Variants in ITGB6 observed in about 807,000 individuals in gnomAD.
The protein encoded by ITGB6 is integrin subunit beta 6.
ITGB6 carries 80 observed loss-of-function variants against 84.5 expected under a neutral mutation model. The ratio of observed to expected loss-of-function variants is 0.95; its 90% CI spans 0.79 to 1.14. The LOEUF (loss-of-function observed/expected upper bound fraction) is 1.14, where lower values mean the gene tolerates loss of function less well. Ranked by LOEUF, ITGB6 falls within the 50% of genes most tolerant of loss-of-function variation. The pLI, the probability that ITGB6 is intolerant of heterozygous loss-of-function variation, is 0.00. For synonymous variants in ITGB6, 383 were observed against 354.9 expected (o/e 1.08, Z -0.89); for missense variants, 1,006 against 968.0 (o/e 1.04, Z -0.52).
At chr2:160,139,070 C>T (rs1401986248) in intron 8 of ITGB6, among the ~76,000 whole-genome samples, 1 of 152,052 alleles carries the variant, frequency 6.6e-6, no homozygotes, top group African/African-American at 2.4e-5. Flanking sequence ...AGAGTTAGGT[C>T]TGGGGAATAC....
rs778543642 is a variant in ITGB6 at position 160,169,317 on chromosome 2, A to G, written c.922-10T>C. 4.2e-6 allele frequency: 6 copies of G among 1,414,684 alleles called. No homozygotes were observed. In the East Asian group the frequency reaches 9.1e-5, roughly 22 times the overall value. The allele number at this position is 1,414,684 out of a possible 1,614,324, so 87.6% of individuals were successfully genotyped here. On this transcript the variant is annotated splice_polypyrimidine_tract_variant and intron_variant, in intron 6 of 14. Transcript: ENST00000283249. ...CAATTGTTGGATATTCCTAAAATTA[A>G]CATATATAATTTTGCATCATCTCAA...
intron 13 of ITGB6, among the ~76,000 whole-genome samples, chr2:160,109,658 T>C (rs927709875): frequency 1.3e-5 from 2 of 152,256 alleles, no homozygotes; most frequent in African/African-American, 4.8e-5. Context: ...TGGATGTTTC[T>C]TGAGATGCTC....
intron 5 of ITGB6, among the ~76,000 whole-genome samples, chr2:160,173,440 G>C (rs1274304971): frequency 6.6e-6 from 1 of 152,024 alleles, no homozygotes; most frequent in Non-Finnish European, 1.5e-5. Context: ...TTTATTTCCT[G>C]ATATTTTTCA....
chr2:160,177,555 A>C (rs1293521178), intron 4 of ITGB6, among the ~76,000 whole-genome samples: 1 of 151,634 alleles, frequency 6.6e-6, no homozygotes, highest in Non-Finnish European at 1.5e-5. Context: ...TGGGCGATAG[A>C]GCAAGATTCT....
chr2:160,118,123 CAATCAATAGAAAAAGGGGG>C (rs1261044390), intron 12 of ITGB6, among the ~76,000 whole-genome samples: 2 of 152,254 alleles, frequency 1.3e-5, no homozygotes, highest in East Asian at 3.9e-4. Context: ...GAAACTATTC[CAATCAATAGAAAAAGGGGG>C]AATCCTCCCT....
chr2:160,123,233 T>C (rs1369756239), intron 12 of ITGB6, among the ~76,000 whole-genome samples: 9 of 152,182 alleles, frequency 5.9e-5, no homozygotes, highest in African/African-American at 2.2e-4. Context: ...AGGTCTTTCT[T>C]GTATTTTGGG....
intron 4 of ITGB6, among the ~76,000 whole-genome samples, chr2:160,194,462 C>A (rs1321070690): frequency 2.0e-5 from 3 of 151,774 alleles, no homozygotes; most frequent in African/African-American, 4.8e-5. Flanking sequence ...AATGGGCTTG[C>A]TTTTGGGACA....
At chr2:160,139,082 A>T (rs1683888389) in intron 8 of ITGB6, among the ~76,000 whole-genome samples, 1 of 152,198 alleles carries the variant, frequency 6.6e-6, no homozygotes, top group Non-Finnish European at 1.5e-5. Flanking sequence ...GGGGAATACT[A>T]TAAGAATGCT....
intron 6 of ITGB6, among the ~76,000 whole-genome samples, chr2:160,171,578 A>AC (rs1196660707): frequency 2.6e-5 from 4 of 152,066 alleles, no homozygotes. Context: ...CTCGTGATCC[A>AC]CCGCCTCGGC....
At chr2:160,115,054 G>A (rs929888140) in intron 12 of ITGB6, among the ~76,000 whole-genome samples, 1 of 152,214 alleles carries the variant, frequency 6.6e-6, no homozygotes, top group Non-Finnish European at 1.5e-5. Context: ...GCCTCTGTAG[G>A]CTCCACCTCT....
intron 7 of ITGB6, among the ~76,000 whole-genome samples, chr2:160,164,457 C>G (rs1369479572): frequency 6.6e-6 from 1 of 152,074 alleles, no homozygotes; most frequent in Admixed American, 6.6e-5. Flanking sequence ...TTTGGGAGGC[C>G]AAGGTGGGCA....
intron 10 of ITGB6, among the ~76,000 whole-genome samples, chr2:160,136,847 A>G (rs902809455): frequency 1.3e-5 from 2 of 151,798 alleles, no homozygotes; most frequent in East Asian, 1.9e-4. Flanking sequence ...TTGGAATTGA[A>G]CAATGAGAAC....
chr2:160,188,489 G>T (rs941111175), intron 4 of ITGB6, among the ~76,000 whole-genome samples: 2 of 152,106 alleles, frequency 1.3e-5, no homozygotes, highest in African/African-American at 4.8e-5. Context: ...ACCCCCTGCA[G>T]TGCTCTGGTC....
intron 10 of ITGB6, among the ~76,000 whole-genome samples, chr2:160,135,008 C>T (rs569495288): frequency 4.7e-4 from 72 of 152,206 alleles, no homozygotes; most frequent in Admixed American, 1.2e-3. Flanking sequence ...ACAGGGATGC[C>T]CTCTCTCACC....
At chr2:160,154,208 A>T (rs1470453278) in intron 7 of ITGB6, among the ~76,000 whole-genome samples, 1 of 152,236 alleles carries the variant, frequency 6.6e-6, no homozygotes, top group African/African-American at 2.4e-5. Flanking sequence ...GATAGACTGG[A>T]TTAAGAAAAT....
Position 160,101,470 on chromosome 2 carries a change from T to C in ITGB6, c.*266A>G. 2 of 364,048 alleles carry C rather than the reference T, an allele frequency of 5.5e-6. No individual in the cohort carries two copies. The highest frequency in any genetic ancestry group is 9.6e-5 in the Admixed American group (2 of 20,916). The allele number at this position is 364,048 out of a possible 1,614,324, so 22.6% of individuals were successfully genotyped here. ...TGCAAATCAGGCCCCCATGAATCAT[T>C]TGATGATTTTTTGAAGCATTAATGC... is the stretch of plus-strand genomic sequence containing the variant. On this transcript the variant is annotated 3_prime_UTR_variant, in exon 15 of 15. Transcript: ENST00000283249.
intron 7 of ITGB6, among the ~76,000 whole-genome samples, chr2:160,143,104 A>C (rs1684060960): frequency 6.6e-6 from 1 of 152,202 alleles, no homozygotes; most frequent in African/African-American, 2.4e-5. Flanking sequence ...CCTGGCCAAC[A>C]TGGTGAAACC....
intron 14 of ITGB6, among the ~76,000 whole-genome samples, chr2:160,105,775 G>C (rs1318068781): frequency 6.6e-6 from 1 of 152,166 alleles, no homozygotes; most frequent in Admixed American, 6.5e-5. Context: ...AATAACATCT[G>C]TGGCCAGGGG....
chr2:160,157,836 C>A (rs556900101), intron 7 of ITGB6, among the ~76,000 whole-genome samples: 3 of 151,678 alleles, frequency 2.0e-5, no homozygotes, highest in Non-Finnish European at 2.9e-5. Context: ...GGCAAAACCT[C>A]GCTTTTATGG....
Sources: allele counts gnomAD v4.1 joint callset (sites outside exome capture counted in the v4.1 genomes callset), GRCh38; gene constraint gnomAD v4.1.1; transcripts MANE v1.5; gene names NCBI Gene and HGNC (gene_info 2026-07-23, HGNC 2026-07-21).